Variants in ZNF395 observed in about 807,000 individuals in gnomAD.
ZNF395 encodes zinc finger protein 395, also known as HD gene regulatory region-binding protein 2.
In ZNF395, 20 loss-of-function variants were observed where a neutral mutation model predicts 57.7. The ratio of observed to expected loss-of-function variants is 0.35; its 90% confidence interval spans 0.24 to 0.50. The LOEUF is 0.50. Among genes scored for constraint, ZNF395 ranks in the 20% least tolerant of loss-of-function variants. The probability of loss-of-function intolerance (pLI) is 0.97; values close to 1 mark genes in which losing one functional copy is unlikely to be tolerated. For missense variants in ZNF395, 606 were observed against 671.2 expected (o/e 0.90, Z 1.07); for synonymous variants, 295 against 275.9 (o/e 1.07, Z -0.69).
At position 28,349,178 on chromosome 8, in the gene ZNF395, C is replaced by A; in HGVS notation, c.1377G>T (p.Ala459=). ...SFSEPQQPAP[A]MKSHLIVTSP... is the part of the protein sequence containing the mutation. The stretch of plus-strand genomic sequence containing the variant: ...AAGTGACGATCAGATGAGATTTCAT[C>A]GCAGGTGCTGGCTGCTGGGGCTCGC... Residue 459 remains alanine (A), a synonymous_variant, in exon 9 of 10, where the codon GCG becomes GCT. Coordinates refer to ENST00000344423, the MANE Select transcript of ZNF395 (RefSeq NM_018660.3). The A allele has an allele frequency of 6.4e-7, 1 of 1,563,738 alleles. No individual in the cohort carries two copies. Among genetic ancestry groups the A allele is most frequent in the Non-Finnish European group, 8.7e-7 (1 of 1,155,414 alleles).
At position 28,359,981 on chromosome 8, in the gene ZNF395, G is replaced by A. The variant is rs987072926; in HGVS notation, c.241-157C>T. On this transcript the variant is annotated intron_variant, in intron 2 of 9. Transcript: ENST00000344423. This position sits in a 1 kb window ranked among gnomAD's most constrained non-coding sequence, Gnocchi z 4.7. ...TTCAAGCAGATGTTCCCAGGTACTC[G>A]CTTCCCACCTGAGCACCCACACAGG... Among the ~76,000 whole-genome samples, 8 of 152,066 alleles carry A rather than the reference G, an allele frequency of 5.3e-5. No individual in the cohort carries two copies. Among genetic ancestry groups the A allele is most frequent in the South Asian group, 2.1e-4 (1 of 4,830 alleles).
intron 1 of ZNF395, among the ~76,000 whole-genome samples, chr8:28,364,518 G>C (rs964641344): frequency 6.6e-6 from 1 of 152,160 alleles, no homozygotes; most frequent in African/African-American, 2.4e-5. Context: ...GCCAGGTGTG[G>C]TGGCGTGCAC....
intron 1 of ZNF395, among the ~76,000 whole-genome samples, chr8:28,381,766 T>C (rs1217430170): frequency 6.6e-6 from 1 of 152,110 alleles, no homozygotes; most frequent in African/African-American, 2.4e-5. Context: ...TCGACATCAC[T>C]CTCAGAGATC....
Position 28,356,851 on chromosome 8 carries a change from C to T in ZNF395, c.474-72G>A, listed in dbSNP as rs1345421883. The T allele has an allele frequency of 2.4e-6, 3 of 1,235,862 alleles. No homozygotes were observed. The highest frequency in any genetic ancestry group is 3.4e-6 in the Non-Finnish European group (3 of 873,526). 76.6% of individuals were successfully genotyped at this position (1,235,862 alleles called of 1,614,324 possible). A position where few individuals can be genotyped will look rare whatever the true frequency, so the allele number is the denominator to read the frequency against. ...GGCCCATGGTCCTTGCAAAACGAGA[C>T]ACCACTTCTGGCTGGTTTCACACAA... On this transcript the variant is annotated intron_variant, in intron 3 of 9. Coordinates refer to ENST00000344423, the MANE Select transcript of ZNF395 (RefSeq NM_018660.3). The surrounding 1 kb of genome is among the most constrained non-coding windows in gnomAD (Gnocchi z 4.0).
At chr8:28,369,137 ATTTTTTTT>A (rs571228550) in intron 1 of ZNF395, among the ~76,000 whole-genome samples, 26 of 136,738 alleles carry the variant, frequency 1.9e-4, no homozygotes, top group African/African-American at 4.8e-4. Context: ...TGCCTGGCCA[ATTTTTTTT>A]TTTTTTTTTT....
chr8:28,373,989 G>A (rs796116810), intron 1 of ZNF395, among the ~76,000 whole-genome samples: 21 of 152,284 alleles, frequency 1.4e-4, no homozygotes, highest in African/African-American at 5.1e-4. Flanking sequence ...CTACCCCAGA[G>A]AAAACTCACA....
chr8:28,351,359 T>G, intron 7 of ZNF395, 136 bp downstream of exon 7: 1 of 941,838 alleles, frequency 1.1e-6, no homozygotes, highest in Non-Finnish European at 1.5e-6. Flanking sequence ...CGGTTTCCTT[T>G]TGTTTCCTTG....
rs768460759 is a variant in ZNF395 at position 28,351,595 on chromosome 8, C to T, written c.1133G>A (p.Gly378Asp). 6.2e-7 allele frequency: 1 copy of T among 1,613,628 alleles called. No homozygotes were observed. Among genetic ancestry groups the T allele is most frequent in the South Asian group, 1.1e-5 (1 of 91,082 alleles). Residue 378 changes from glycine (G) to aspartate (D), a missense_variant, in exon 7 of 10, where the codon GGC becomes GAC. Physicochemically the swap from Gly to Asp is moderately conservative, Grantham distance 94. This residue lies in a region of ZNF395 where 261 missense variants were observed against 240.3 expected (regional missense o/e 1.09). Coordinates refer to ENST00000344423, the MANE Select transcript of ZNF395 (RefSeq NM_018660.3). The stretch of plus-strand genomic sequence containing the variant: ...GGACTCCGGGCCAGGATGTTCTGGG[C>T]CGGAGGACTGGGCTTTGTGCAGAGG... ...PPPLHKAQSS[G>D]PEHPGPESSL...
At chr8:28,371,718 C>T (rs973647884) in intron 1 of ZNF395, among the ~76,000 whole-genome samples, 2 of 152,152 alleles carry the variant, frequency 1.3e-5, no homozygotes, top group Non-Finnish European at 2.9e-5. Context: ...TTACAAATAT[C>T]CCAAAGAGAA....
chr8:28,355,662 AACT>A (rs1801770168), intron 4 of ZNF395, among the ~76,000 whole-genome samples: 1 of 152,186 alleles, frequency 6.6e-6, no homozygotes, highest in South Asian at 2.1e-4. Flanking sequence ...CTCTCCTGAG[AACT>A]TAGAAATTAA....
intron 1 of ZNF395, among the ~76,000 whole-genome samples, chr8:28,373,418 T>C (rs1801999915): frequency 6.6e-6 from 1 of 152,222 alleles, no homozygotes; most frequent in Non-Finnish European, 1.5e-5. Flanking sequence ...GTAATTAACA[T>C]AAACTGCTAA....
At chr8:28,360,105 C>G (rs1585855770) in intron 2 of ZNF395, among the ~76,000 whole-genome samples, 3 of 152,360 alleles carry the variant, frequency 2.0e-5, no homozygotes, top group African/African-American at 7.2e-5. Flanking sequence ...AATCTGTGCT[C>G]ATCATCCTGC....
At chr8:28,372,042 CAA>C (rs570237046) in intron 1 of ZNF395, among the ~76,000 whole-genome samples, 2 of 145,780 alleles carry the variant, frequency 1.4e-5, no homozygotes, top group Non-Finnish European at 3.0e-5. Context: ...GACCCTATCT[CAA>C]AAAAAAAAAT....
Position 28,348,667 on chromosome 8 carries a change from T to C in ZNF395, c.*52A>G. The C allele has an allele frequency of 6.5e-7, 1 of 1,542,082 alleles. No homozygotes were observed. The highest frequency in any genetic ancestry group is 9.0e-7 in the Non-Finnish European group (1 of 1,114,786). ...TGAGGGCTGGTGACACACTGGCCTC[T>C]TGTCAGTGGCTGCCGGCAGGGCCAG... is the stretch of plus-strand genomic sequence containing the variant. On this transcript the variant is annotated 3_prime_UTR_variant, in exon 10 of 10. Coordinates refer to ENST00000344423, the MANE Select transcript of ZNF395 (RefSeq NM_018660.3).
rs1329002468 is a variant in ZNF395, at chr8:28,347,764, A to C, written c.*955T>G. 1 of 152,214 alleles carries C rather than the reference A, an allele frequency of 6.6e-6. No individual in the cohort carries two copies. Among genetic ancestry groups the C allele is most frequent in the Non-Finnish European group, 1.5e-5 (1 of 68,054 alleles). 9.4% of individuals were successfully genotyped at this position (152,214 alleles called of 1,614,324 possible). A position where few individuals can be genotyped will look rare whatever the true frequency, so the allele number is the denominator to read the frequency against. ...TCCCTGGGTCTCTCCCGGCCACCCA[A>C]ATAAAAGAAAACTTTAATCAGTAAA... On this transcript the variant is annotated 3_prime_UTR_variant, in exon 10 of 10. Coordinates refer to ENST00000344423, the MANE Select transcript of ZNF395 (RefSeq NM_018660.3).
In ZNF395 at chr8:28,361,147, G is replaced by A. The variant is rs750880746; in HGVS notation, c.-23C>T. 2.1e-5 allele frequency: 33 copies of A among 1,609,416 alleles called. No homozygotes were observed. Among genetic ancestry groups the A allele is most frequent in the Middle Eastern group, 1.7e-4 (1 of 5,964 alleles). Reference sequence around the variant, plus strand: ...CATGCTGCTGCCTCTCCTCTCCTGCGGAGGCGAAGGGGACACTGAAGCCTC... The same window carrying A: ...CATGCTGCTGCCTCTCCTCTCCTGCAGAGGCGAAGGGGACACTGAAGCCTC... On this transcript the variant is annotated 5_prime_UTR_variant, in exon 2 of 10. Transcript: ENST00000344423.
At chr8:28,353,641 T>C (rs1022381081) in intron 4 of ZNF395, among the ~76,000 whole-genome samples, 1 of 152,338 alleles carries the variant, frequency 6.6e-6, no homozygotes, top group African/African-American at 2.4e-5. Context: ...GAAACCTAAC[T>C]GAAATTTCTC....
intron 7 of ZNF395, 34 bp from the exon 8 acceptor site, chr8:28,350,190 G>T: frequency 1.3e-6 from 2 of 1,558,920 alleles, no homozygotes; most frequent in African/African-American, 1.3e-5. Flanking sequence ...CCGGATTCTA[G>T]CTCAGGAAGT....
rs779892847 is a variant in ZNF395, at chr8:28,356,791, C to T, written c.474-12G>A. On this transcript the variant is annotated splice_polypyrimidine_tract_variant and intron_variant, in intron 3 of 9. Coordinates refer to ENST00000344423, the MANE Select transcript of ZNF395 (RefSeq NM_018660.3). This position sits in a 1 kb window ranked among gnomAD's most constrained non-coding sequence, Gnocchi z 4.0. ...CTGCGTCCGACTTCCTGGATTCACA[C>T]GGATGAGTGGGAAATGTTACTTCCT... 1.7e-5 allele frequency: 27 copies of T among 1,609,564 alleles called. No individual in the cohort carries two copies. The highest frequency in any genetic ancestry group is 2.3e-5 in the Non-Finnish European group (27 of 1,176,592).
Sources: allele counts gnomAD v4.1 joint callset (sites outside exome capture counted in the v4.1 genomes callset), GRCh38; gene constraint gnomAD v4.1.1; regional missense constraint gnomAD v4.1.1; non-coding constraint Gnocchi (gnomAD v3.1); transcripts MANE v1.5; gene names NCBI Gene and HGNC (gene_info 2026-07-23, HGNC 2026-07-21).